LMNTD1: variants seen among roughly 807,000 people sequenced by gnomAD.
LMNTD1 encodes the protein lamin tail domain containing 1.
A neutral mutation model predicts 50.9 loss-of-function variants in LMNTD1; 35 were observed. The ratio of observed to expected loss-of-function variants is 0.69; its 90% CI spans 0.53 to 0.91. The LOEUF (loss-of-function observed/expected upper bound fraction) is 0.91, where lower values mean the gene tolerates loss of function less well. LMNTD1 is among the 40% of genes least tolerant of loss of function. LMNTD1 has a pLI of 0.00. For synonymous variants in LMNTD1, 153 were observed against 161.9 expected (o/e 0.94, Z 0.42); for missense variants, 470 against 475.5 (o/e 0.99, Z 0.11).
intron 1 of LMNTD1, among the ~76,000 whole-genome samples, chr12:25,578,260 C>T (rs1315518504): frequency 6.6e-6 from 1 of 152,010 alleles, no homozygotes; most frequent in African/African-American, 2.4e-5. Flanking sequence ...TAAATGACAC[C>T]TAGGGAGGAG....
intron 8 of LMNTD1, among the ~76,000 whole-genome samples, chr12:25,507,448 C>T (rs568143817): frequency 6.6e-6 from 1 of 152,316 alleles, no homozygotes; most frequent in South Asian, 2.1e-4. Context: ...GGCCATCTGG[C>T]TCAGACACAG....
chr12:25,617,422 G>A (rs1946372736), intron 1 of LMNTD1, among the ~76,000 whole-genome samples: 1 of 152,120 alleles, frequency 6.6e-6, no homozygotes, highest in Non-Finnish European at 1.5e-5. Context: ...GACAAGAGGG[G>A]GATGTGATCT....
chr12:25,483,392 C>T (rs1488309251), intron 9 of LMNTD1, among the ~76,000 whole-genome samples: 2 of 150,734 alleles, frequency 1.3e-5, no homozygotes, highest in Non-Finnish European at 1.5e-5. Context: ...CACTGCACTC[C>T]AGCTTGGTGA....
chr12:25,606,474 T>C (rs975961531), intron 1 of LMNTD1, among the ~76,000 whole-genome samples: 18 of 152,352 alleles, frequency 1.2e-4, no homozygotes, highest in Admixed American at 9.2e-4. Flanking sequence ...GGGTTTGTCA[T>C]AGATAGCACT....
At chr12:25,581,887 T>G (rs1278983930) in intron 1 of LMNTD1, among the ~76,000 whole-genome samples, 1 of 152,236 alleles carries the variant, frequency 6.6e-6, no homozygotes, top group East Asian at 1.9e-4. Flanking sequence ...ATAGAAAGAC[T>G]ACAGTAAAAA....
chr12:25,584,936 T>A (rs991762029), intron 1 of LMNTD1, among the ~76,000 whole-genome samples: 15 of 152,232 alleles, frequency 9.9e-5, no homozygotes, highest in Admixed American at 9.2e-4. Context: ...TCAAACTTTC[T>A]TTGCATCAAA....
At chr12:25,560,100 G>A (rs904766450) in intron 1 of LMNTD1, among the ~76,000 whole-genome samples, 25 of 152,298 alleles carry the variant, frequency 1.6e-4, no homozygotes, top group Admixed American at 3.9e-4. Flanking sequence ...TGGTGTTTTA[G>A]ACATGAAGTC....
At chr12:25,576,040 A>G (rs1375109816) in intron 1 of LMNTD1, among the ~76,000 whole-genome samples, 3 of 152,176 alleles carry the variant, frequency 2.0e-5, no homozygotes, top group African/African-American at 7.2e-5. Context: ...TTATGGCTGC[A>G]TAGTATTCCA....
At position 25,599,212 on chromosome 12, in the gene LMNTD1, T is replaced by A. The variant is rs947353652; in HGVS notation, c.58+49282A>T. 2.6e-5 allele frequency among the ~76,000 whole-genome samples: 4 copies of A among 151,732 alleles called. No individual in the cohort carries two copies. In the East Asian group the frequency reaches 7.8e-4, roughly 29 times the overall value. On this transcript the variant is annotated intron_variant, in intron 1 of 7. Transcript: ENST00000445693. ...ATATCAACAGAATGAAGGAAAAAAA[T>A]GATCATTTCAATGATGCTCAAGAAA...
intron 1 of LMNTD1, among the ~76,000 whole-genome samples, chr12:25,601,355 C>CA (rs955126137): frequency 5.3e-5 from 8 of 150,306 alleles, no homozygotes; most frequent in African/African-American, 1.2e-4. Flanking sequence ...AATGGGTGAA[C>CA]AAAAAAATAG....
intron 1 of LMNTD1, among the ~76,000 whole-genome samples, chr12:25,600,475 G>T (rs1945941384): frequency 6.6e-6 from 1 of 151,974 alleles, no homozygotes; most frequent in East Asian, 1.9e-4. Flanking sequence ...AAAAGCTTCT[G>T]CACAGTAAAG....
chr12:25,518,432 AT>A (rs1297890894), intron 8 of LMNTD1, among the ~76,000 whole-genome samples: 9 of 152,178 alleles, frequency 5.9e-5, no homozygotes, highest in Non-Finnish European at 7.4e-5. Flanking sequence ...AAAAGGTGGA[AT>A]TTTTTTCAAC....
chr12:25,491,431 G>A (rs1257888225), intron 9 of LMNTD1, among the ~76,000 whole-genome samples: 2 of 152,228 alleles, frequency 1.3e-5, no homozygotes, highest in Non-Finnish European at 2.9e-5. Flanking sequence ...GAAAAGAGAC[G>A]AGAAAGGAAG....
At chr12:25,608,194 C>T (rs989763611) in intron 1 of LMNTD1, among the ~76,000 whole-genome samples, 3 of 152,148 alleles carry the variant, frequency 2.0e-5, no homozygotes, top group African/African-American at 7.2e-5. Flanking sequence ...GGTAGATCTT[C>T]CTCCATCCCT....
intron 4 of LMNTD1, among the ~76,000 whole-genome samples, chr12:25,545,330 T>C (rs1458832847): frequency 2.0e-5 from 3 of 151,600 alleles, no homozygotes; most frequent in African/African-American, 7.3e-5. Context: ...CTAGACAAAT[T>C]CTTTTCTCTC....
intron 1 of LMNTD1, among the ~76,000 whole-genome samples, chr12:25,627,334 A>C (rs1946611068): frequency 6.6e-6 from 1 of 152,164 alleles, no homozygotes; most frequent in Non-Finnish European, 1.5e-5. Flanking sequence ...ATAGCTTTGA[A>C]AAACTCTAAG....
intron 4 of LMNTD1, among the ~76,000 whole-genome samples, chr12:25,533,063 C>G (rs753436223): frequency 5.3e-5 from 8 of 152,112 alleles, no homozygotes; most frequent in Non-Finnish European, 1.2e-4. Flanking sequence ...ATTTATTAAC[C>G]TCAAATTTTT....
Position 25,520,081 on chromosome 12 carries a change from G to T in LMNTD1, c.799-6C>A. 1 of 1,583,156 alleles carries T rather than the reference G, an allele frequency of 6.3e-7. No individual in the cohort carries two copies. Among genetic ancestry groups the T allele is most frequent in the Non-Finnish European group, 8.6e-7 (1 of 1,161,238 alleles). On this transcript the variant is annotated splice_polypyrimidine_tract_variant and splice_region_variant and intron_variant, in intron 6 of 9. Coordinates refer to ENST00000458174, the MANE Select transcript of LMNTD1 (RefSeq NM_001145728.2). ...GGGGTGTACCACGCAATGGCCTAATGAAAATGATTTATTAATGTTGGCTAT... is the reference window on the plus strand; with the variant it reads ...GGGGTGTACCACGCAATGGCCTAATTAAAATGATTTATTAATGTTGGCTAT...
chr12:25,563,726 A>G (rs111987631), intron 1 of LMNTD1, among the ~76,000 whole-genome samples: 1 of 152,302 alleles, frequency 6.6e-6, no homozygotes, highest in African/African-American at 2.4e-5. Flanking sequence ...TTGTTCAGCT[A>G]TGCCCTGCCC....
Sources: allele counts gnomAD v4.1 joint callset (sites outside exome capture counted in the v4.1 genomes callset), GRCh38; gene constraint gnomAD v4.1.1; transcripts MANE v1.5; gene names NCBI Gene and HGNC (gene_info 2026-07-23, HGNC 2026-07-21).